MTA3: variants seen among roughly 807,000 people sequenced by gnomAD.
The protein encoded by MTA3 is metastasis-associated protein MTA3.
In MTA3, 34 loss-of-function variants were observed where a neutral mutation model predicts 83.5. That is an observed-to-expected ratio of 0.41 (90% CI 0.31 to 0.54). MTA3 has a LOEUF of 0.54. Among genes scored for constraint, MTA3 ranks in the 20% least tolerant of loss-of-function variants. The pLI, the probability that MTA3 is intolerant of heterozygous loss-of-function variation, is 0.33. For synonymous variants in MTA3, 303 were observed against 252.7 expected, an observed-to-expected ratio of 1.20 and a Z score of -1.89; for missense variants, 761 against 726.4, an observed-to-expected ratio of 1.05 and a Z score of -0.55.
At chr2:42,535,931 C>T in intron 2 of MTA3, among the ~76,000 whole-genome samples, 1 of 66,770 alleles carries the variant, frequency 1.5e-5, no homozygotes, top group South Asian at 5.8e-4. Context: ...CCAGCCTGGG[C>T]ATTATAGTGA....
chr2:42,721,798 C>A (rs1020848124), intron 15 of MTA3, among the ~76,000 whole-genome samples: 6 of 152,162 alleles, frequency 3.9e-5, no homozygotes, highest in Admixed American at 3.3e-4. Context: ...TTCAGTGAGT[C>A]CAAGGACTTG....
chr2:42,671,856 C>A (rs563550204), intron 8 of MTA3, among the ~76,000 whole-genome samples: 1 of 152,300 alleles, frequency 6.6e-6, no homozygotes, highest in African/African-American at 2.4e-5. Context: ...CTTACTGACT[C>A]TGGCAACATC....
intron 4 of MTA3, among the ~76,000 whole-genome samples, chr2:42,627,630 C>T (rs997654360): frequency 5.9e-5 from 9 of 151,564 alleles, no homozygotes; most frequent in African/African-American, 2.2e-4. Flanking sequence ...GTGGTGTCAT[C>T]TTGGCTCACT....
chr2:42,547,437 C>T (rs1461200164), intron 2 of MTA3, among the ~76,000 whole-genome samples: 1 of 152,256 alleles, frequency 6.6e-6, no homozygotes, highest in East Asian at 1.9e-4. Context: ...AAGCGATTCT[C>T]GTGCCTCAGC....
chr2:42,668,013 A>T (rs1002079027), intron 8 of MTA3, among the ~76,000 whole-genome samples: 1 of 152,180 alleles, frequency 6.6e-6, no homozygotes. Context: ...CAAGTTACTT[A>T]ACCTACCTTT....
At chr2:42,502,259 T>C (rs964725307) in intron 2 of MTA3, among the ~76,000 whole-genome samples, 11 of 152,150 alleles carry the variant, frequency 7.2e-5, no homozygotes, top group African/African-American at 2.7e-4. Flanking sequence ...AAAAAGAACG[T>C]TGGCTCTGGC....
intron 3 of MTA3, among the ~76,000 whole-genome samples, chr2:42,607,419 G>A (rs558290401): frequency 1.3e-5 from 2 of 152,046 alleles, no homozygotes; most frequent in African/African-American, 4.8e-5. Context: ...TTGCTGTATC[G>A]CCCAGGCTGG....
chr2:42,571,195 G>A (rs1290924820), intron 2 of MTA3, among the ~76,000 whole-genome samples: 1 of 151,706 alleles, frequency 6.6e-6, no homozygotes, highest in Non-Finnish European at 1.5e-5. Context: ...AGGAGTTCAA[G>A]ACCAGCCTGG....
At chr2:42,503,279 A>G (rs558235324) in intron 2 of MTA3, among the ~76,000 whole-genome samples, 2 of 152,314 alleles carry the variant, frequency 1.3e-5, no homozygotes, top group Admixed American at 6.5e-5. Context: ...GCATTTGCAA[A>G]CTGTCATTGT....
At chr2:42,633,867 C>T (rs1243707014) in intron 4 of MTA3, among the ~76,000 whole-genome samples, 9 of 148,662 alleles carry the variant, frequency 6.1e-5, no homozygotes, top group East Asian at 2.0e-4. Flanking sequence ...CCAACCTGGG[C>T]GACAGAGCGA....
At chr2:42,605,884 A>G (rs1202256132) in intron 3 of MTA3, among the ~76,000 whole-genome samples, 10 of 85,182 alleles carry the variant, frequency 1.2e-4, no homozygotes, top group South Asian at 4.9e-4. Context: ...TTGGCCGGGC[A>G]GAGGGGCTCC....
intron 5 of MTA3, among the ~76,000 whole-genome samples, chr2:42,642,985 C>A (rs4953527): frequency 0.36 from 54,634 of 150,206 alleles, 10,462 homozygotes; most frequent in African/African-American, 0.46. Context: ...TTTTTTCTTT[C>A]CTTAGATAGC....
intron 16 of MTA3, among the ~76,000 whole-genome samples, chr2:42,747,429 C>G (rs970796157): frequency 6.6e-6 from 1 of 151,846 alleles, no homozygotes; most frequent in Non-Finnish European, 1.5e-5. Flanking sequence ...AGAAAGGCAC[C>G]GGGGTGGGGG....
rs1197367115 is a variant in MTA3, at chr2:42,722,941, A to G, written c.1665A>G (p.Gln555=). 1 of 1,551,224 alleles carries G rather than the reference A, an allele frequency of 6.4e-7. No homozygotes were observed. Among genetic ancestry groups the G allele is most frequent in the Non-Finnish European group, 8.7e-7 (1 of 1,147,128 alleles). ...PNVIRSTPSL[Q]TPTTKRMLTT... ...TAATTCGATCTACACCAAGCCTGCA[A>G]ACCCCAACTACCAAGCGGATGCTAA... The change falls in exon 16 of 17, where the codon CAA becomes CAG. Residue 555 remains glutamine, a synonymous_variant. Transcript: ENST00000405094.
Position 42,556,335 on chromosome 2 carries a change from T to C in MTA3, c.-140-14102T>C, listed in dbSNP as rs139412674. Reference sequence around the variant, plus strand: ...CCCTAGACCAGGGCCCCCAGCTTTCTCTTATGCTCTGGAAAGTGTTTACCA... The same window carrying C: ...CCCTAGACCAGGGCCCCCAGCTTTCCCTTATGCTCTGGAAAGTGTTTACCA... On this transcript the variant is annotated intron_variant, in intron 2 of 17. Transcript: ENST00000405592. Among the ~76,000 whole-genome samples the C allele has an allele frequency of 1.8e-3, 269 of 152,314 alleles. 5 individuals carry two copies. Among genetic ancestry groups the C allele is most frequent in the African/African-American group, 6.2e-3 (258 of 41,580 alleles).
intron 2 of MTA3, among the ~76,000 whole-genome samples, chr2:42,559,428 G>A (rs2103795942): frequency 6.6e-6 from 1 of 151,602 alleles, no homozygotes; most frequent in African/African-American, 2.4e-5. Flanking sequence ...CTTGAACCTG[G>A]GAGGCGGAGG....
At chr2:42,605,741 G>C (rs1339899342) in intron 3 of MTA3, among the ~76,000 whole-genome samples, 1 of 132,632 alleles carries the variant, frequency 7.5e-6, no homozygotes, top group African/African-American at 2.9e-5. Flanking sequence ...CTCCTGGATG[G>C]GGCGGCTGGC....
intron 3 of MTA3, among the ~76,000 whole-genome samples, chr2:42,604,565 GTTTCT>G (rs1308647537): frequency 2.3e-4 from 19 of 82,472 alleles, no homozygotes; most frequent in Non-Finnish European, 3.9e-4. Flanking sequence ...TGCTCTGAAT[GTTTCT>G]TTTCTTTTTT....
chr2:42,598,344 C>T (rs796415662), intron 3 of MTA3, among the ~76,000 whole-genome samples: 12 of 152,258 alleles, frequency 7.9e-5, no homozygotes, highest in East Asian at 1.9e-4. Context: ...GGATTACAGG[C>T]GTGAGCCACC....
Sources: gnomAD v4.1 joint callset for allele counts (sites outside exome capture counted in the v4.1 genomes callset) on GRCh38, gnomAD v4.1.1 for gene constraint, MANE v1.5 for transcripts, NCBI Gene and HGNC (gene_info 2026-07-23, HGNC 2026-07-21) for gene names.